Variants in ITPRID1 observed in about 807,000 individuals in gnomAD.
ITPRID1 encodes the protein protein ITPRID1.
In ITPRID1, 96 loss-of-function variants were observed where a neutral mutation model predicts 95.4. That is an observed-to-expected ratio of 1.01 (90% CI 0.85 to 1.19). ITPRID1 has a LOEUF of 1.19. Ranked by LOEUF, ITPRID1 falls within the 50% of genes most tolerant of loss-of-function variation. The pLI, the probability that ITPRID1 is intolerant of heterozygous loss-of-function variation, is 0.00. For missense variants in ITPRID1, 1,339 were observed against 1,252.9 expected (o/e 1.07, Z -1.04); for synonymous variants, 510 against 453.6 (o/e 1.12, Z -1.58).
chr7:31,518,922 T>C (rs1301418490), intron 1 of ITPRID1, among the ~76,000 whole-genome samples: 1 of 152,190 alleles, frequency 6.6e-6, no homozygotes, highest in Non-Finnish European at 1.5e-5. Context: ...GCAAAAGAAG[T>C]TGGGCAAGTC....
intron 10 of ITPRID1, among the ~76,000 whole-genome samples, chr7:31,629,584 A>G (rs147479556): frequency 1.3e-5 from 2 of 152,372 alleles, no homozygotes; most frequent in African/African-American, 4.8e-5. Context: ...ATATGAAAAG[A>G]TGCTAGAGGA....
intron 10 of ITPRID1, among the ~76,000 whole-genome samples, chr7:31,599,617 CT>C: frequency 1.8e-5 from 1 of 55,798 alleles, no homozygotes; most frequent in Non-Finnish European, 4.6e-5. Context: ...TTCTTTCTTT[CT>C]TTCTTTCTTT....
rs143751428 is a variant in ITPRID1 at position 31,642,813 on chromosome 7, G to A, written c.1443G>A (p.Ala481=). 3.1e-4 allele frequency: 496 copies of A among 1,613,838 alleles called. No homozygotes were observed. The highest frequency in any genetic ancestry group is 3.8e-4 in the Non-Finnish European group (450 of 1,179,800). Residue 481 remains alanine, a synonymous_variant, in exon 12 of 15, where the codon GCG becomes GCA. Transcript: ENST00000615280. ...ATGGGCCAGATTCCAAAAGTAGGGCGAGCATGTCTTTTTCAAGCCAAGAAG... is the reference window on the plus strand; with the variant it reads ...ATGGGCCAGATTCCAAAAGTAGGGCAAGCATGTCTTTTTCAAGCCAAGAAG... ...ESDGPDSKSR[A]SMSFSSQEAN... is the part of the protein sequence containing the mutation.
chr7:31,578,108 G>T lies in ITPRID1; in HGVS notation c.844G>T (p.Glu282Ter), dbSNP rs1785257210. 3 of 1,613,604 alleles carry T rather than the reference G, an allele frequency of 1.9e-6. No individual in the cohort carries two copies. Among genetic ancestry groups the T allele is most frequent in the African/African-American group, 2.7e-5 (2 of 74,926 alleles). Residue 282 changes from glutamate (E) to a stop codon, truncating the protein, a stop_gained, in exon 9 of 15, where the codon GAA becomes TAA. Coordinates refer to ENST00000615280, the MANE Select transcript of ITPRID1 (RefSeq NM_001257967.3). LOFTEE classifies it high-confidence loss of function. ...EVSESFKVKD[E>*]VFVPFTKPWD... The stretch of plus-strand genomic sequence containing the variant: ...ATCAGAGTCCTTCAAGGTGAAGGAT[G>T]AAGTTTTTGTTCCCTTTACAAAACC...
intron 1 of ITPRID1, among the ~76,000 whole-genome samples, chr7:31,519,960 C>CT (rs201974333): frequency 1.2e-4 from 18 of 148,116 alleles, no homozygotes; most frequent in African/African-American, 2.0e-4. Flanking sequence ...TTTTACCTAA[C>CT]TTTTTTTTTT....
At chr7:31,642,365 G>A in intron 11 of ITPRID1, 107 bp downstream of exon 11, 2 of 785,320 alleles carry the variant, frequency 2.5e-6, no homozygotes, top group South Asian at 1.9e-5. Flanking sequence ...TCAGAAAGAG[G>A]GGTGTTTTAA....
At position 31,612,367 on chromosome 7, in the gene ITPRID1, GTTTTGT is replaced by G. The variant is rs892271849; in HGVS notation, c.1228+29183_1228+29188del. Among the ~76,000 whole-genome samples, 25 of 151,954 alleles carry G rather than the reference GTTTTGT, an allele frequency of 1.6e-4. 1 individual carries two copies. The highest frequency in any genetic ancestry group is 1.0e-3 in the South Asian group (5 of 4,814). On this transcript the variant is annotated intron_variant, in intron 10 of 14. Transcript: ENST00000615280. ...GTTTTTATTGATTGGCTTTTGTTTT[GTTTTGT>G]TTTTGTGTGTGTGGGTCATTCTTTC...
At chr7:31,535,447 T>A (rs1424880723) in intron 1 of ITPRID1, among the ~76,000 whole-genome samples, 1 of 151,968 alleles carries the variant, frequency 6.6e-6, no homozygotes, top group Non-Finnish European at 1.5e-5. Context: ...AGATATGTAA[T>A]TAATAATTAT....
At chr7:31,568,814 TTCTG>T (rs1365033131) in intron 5 of ITPRID1, among the ~76,000 whole-genome samples, 5 of 152,214 alleles carry the variant, frequency 3.3e-5, no homozygotes, top group African/African-American at 9.6e-5. Flanking sequence ...ACACTCCTCT[TTCTG>T]TCTTTCAAAT....
intron 12 of ITPRID1, among the ~76,000 whole-genome samples, chr7:31,649,322 A>C (rs755545008): frequency 5.9e-5 from 9 of 152,212 alleles, no homozygotes; most frequent in Non-Finnish European, 1.0e-4. Context: ...ACTTCCTAGA[A>C]ACAGGGCTAG....
At chr7:31,605,109 G>A (rs543312566) in intron 10 of ITPRID1, among the ~76,000 whole-genome samples, 5 of 150,702 alleles carry the variant, frequency 3.3e-5, no homozygotes, top group Non-Finnish European at 7.4e-5. Context: ...CTGCACTCCA[G>A]CCTGGGTGAC....
chr7:31,560,098 A>C (rs773397136), intron 5 of ITPRID1, among the ~76,000 whole-genome samples: 1 of 152,216 alleles, frequency 6.6e-6, no homozygotes, highest in Non-Finnish European at 1.5e-5. Flanking sequence ...ACATTTCAGC[A>C]GCTACCTGAA....
chr7:31,624,176 C>G (rs961351555), intron 10 of ITPRID1, among the ~76,000 whole-genome samples: 2 of 149,776 alleles, frequency 1.3e-5, no homozygotes, highest in Non-Finnish European at 1.5e-5. Flanking sequence ...GAGTCAATAT[C>G]GTGAAAATGG....
intron 10 of ITPRID1, among the ~76,000 whole-genome samples, chr7:31,597,884 T>C (rs1005424975): frequency 6.6e-6 from 1 of 152,078 alleles, no homozygotes; most frequent in Non-Finnish European, 1.5e-5. Flanking sequence ...ACTTATTATA[T>C]AGAAATTGTA....
intron 7 of ITPRID1, among the ~76,000 whole-genome samples, chr7:31,573,122 G>A (rs942816556): frequency 5.3e-5 from 8 of 152,262 alleles, no homozygotes; most frequent in African/African-American, 1.9e-4. Context: ...TCCAAATGGA[G>A]CCATCTCCAG....
chr7:31,520,562 TGTGAGAGAGAGAGA>T (rs1783217571), intron 1 of ITPRID1, among the ~76,000 whole-genome samples: 4 of 50,210 alleles, frequency 8.0e-5, no homozygotes, highest in African/African-American at 3.7e-4. Flanking sequence ...TGTGTGTGTG[TGTGAGAGAGAGAGA>T]GAGAGTTTGG....
At position 31,632,189 on chromosome 7, in the gene ITPRID1, C is replaced by G. The variant is rs145230090; in HGVS notation, c.1229-9987C>G. The stretch of plus-strand genomic sequence containing the variant: ...AGAGGCAGGGCGTGGTGGCTCACAC[C>G]TGTAATCCCAGCACTTTGGGTGGCT... On this transcript the variant is annotated intron_variant, in intron 10 of 14. Coordinates refer to ENST00000615280, the MANE Select transcript of ITPRID1 (RefSeq NM_001257967.3). 5.0e-3 allele frequency among the ~76,000 whole-genome samples: 759 copies of G among 152,322 alleles called. 1 individual carries two copies. Among genetic ancestry groups the G allele is most frequent in the African/African-American group, 0.017 (725 of 41,564 alleles).
chr7:31,599,025 T>G (rs1304465055), intron 10 of ITPRID1, among the ~76,000 whole-genome samples: 3 of 152,208 alleles, frequency 2.0e-5, no homozygotes, highest in Non-Finnish European at 4.4e-5. Context: ...AAGTTTAAGA[T>G]GCATAGATCC....
At chr7:31,582,293 C>T (rs897761815) in intron 9 of ITPRID1, among the ~76,000 whole-genome samples, 2 of 152,140 alleles carry the variant, frequency 1.3e-5, no homozygotes, top group Non-Finnish European at 2.9e-5. Flanking sequence ...AATAAAAATT[C>T]CACCTTCAAA....
Sources: allele counts gnomAD v4.1 joint callset (sites outside exome capture counted in the v4.1 genomes callset), GRCh38; gene constraint gnomAD v4.1.1; transcripts MANE v1.5; gene names NCBI Gene and HGNC (gene_info 2026-07-23, HGNC 2026-07-21).